ADD3: variants seen among roughly 807,000 people sequenced by gnomAD.
ADD3 encodes the protein adducin 3.
A neutral mutation model predicts 80.2 loss-of-function variants in ADD3; 25 were observed. That is an observed-to-expected ratio of 0.31 (90% CI 0.23 to 0.44). The LOEUF (loss-of-function observed/expected upper bound fraction) is 0.44, where lower values mean the gene tolerates loss of function less well. Among genes scored for constraint, ADD3 ranks in the 20% least tolerant of loss-of-function variants. ADD3 has a pLI of 1.00. For synonymous variants in ADD3, 284 were observed against 289.6 expected (o/e 0.98, Z 0.20); for missense variants, 829 against 847.5 (o/e 0.98, Z 0.27).
intron 1 of ADD3, among the ~76,000 whole-genome samples, chr10:110,011,924 T>A (rs1237187416): frequency 6.6e-6 from 1 of 152,242 alleles, no homozygotes; most frequent in Non-Finnish European, 1.5e-5. Flanking sequence ...CTCAAATTTT[T>A]ACTGTAATTT....
chr10:110,089,028 G>C (rs1847145011), intron 1 of ADD3, among the ~76,000 whole-genome samples: 2 of 152,124 alleles, frequency 1.3e-5, no homozygotes, highest in Admixed American at 1.3e-4. Context: ...GAAATAGGTA[G>C]ATGTAAGATT....
intron 1 of ADD3, among the ~76,000 whole-genome samples, chr10:110,025,273 A>G (rs1589767160): frequency 6.6e-6 from 1 of 151,924 alleles, no homozygotes; most frequent in Admixed American, 6.5e-5. Flanking sequence ...GGTGGTAGCT[A>G]TAATAATCTT....
At chr10:110,050,008 G>A (rs1857328669) in intron 1 of ADD3, among the ~76,000 whole-genome samples, 2 of 152,054 alleles carry the variant, frequency 1.3e-5, no homozygotes, top group African/African-American at 4.8e-5. Context: ...CCCAATGCCT[G>A]GACCCCACTG....
chr10:110,111,265 A>G (rs778162080), intron 2 of ADD3, among the ~76,000 whole-genome samples: 3 of 152,344 alleles, frequency 2.0e-5, no homozygotes, highest in South Asian at 2.1e-4. Flanking sequence ...GCATCCTGCT[A>G]CATAAGTAAC....
chr10:110,042,687 G>GTTTT (rs35414440), intron 1 of ADD3, among the ~76,000 whole-genome samples: 1 of 140,616 alleles, frequency 7.1e-6, no homozygotes, highest in African/African-American at 2.6e-5. Flanking sequence ...GTCTGGTGCT[G>GTTTT]TTTTTTTTTT....
At chr10:110,092,785 GAAAAA>G (rs1000709322) in intron 1 of ADD3, among the ~76,000 whole-genome samples, 1 of 146,998 alleles carries the variant, frequency 6.8e-6, no homozygotes, top group Non-Finnish European at 1.5e-5. Context: ...TTTTTAAACT[GAAAAA>G]AAAAACCCCT....
At chr10:110,120,911 A>G (rs553078352) in intron 8 of ADD3, among the ~76,000 whole-genome samples, 103 of 152,216 alleles carry the variant, frequency 6.8e-4, no homozygotes, top group East Asian at 1.4e-3. Flanking sequence ...AGGATTCCCT[A>G]TTTAATAAAT....
intron 9 of ADD3, among the ~76,000 whole-genome samples, chr10:110,122,636 T>C (rs1048938491): frequency 1.5e-5 from 2 of 135,854 alleles, no homozygotes; most frequent in Non-Finnish European, 3.2e-5. Flanking sequence ...TGAGTTCAAC[T>C]TTTTTTTTTT....
intron 12 of ADD3, among the ~76,000 whole-genome samples, chr10:110,129,360 G>A (rs1333901541): frequency 1.3e-5 from 2 of 151,996 alleles, no homozygotes; most frequent in Non-Finnish European, 2.9e-5. Context: ...TGTTGGTCAG[G>A]CTAGTCTCGA....
intron 2 of ADD3, among the ~76,000 whole-genome samples, chr10:110,111,782 G>A (rs973962795): frequency 2.4e-4 from 36 of 152,082 alleles, no homozygotes; most frequent in South Asian, 1.2e-3. Flanking sequence ...GGGTGGTGGC[G>A]CATGCCTGTA....
At chr10:110,062,163 G>C (rs1161226096) in intron 1 of ADD3, among the ~76,000 whole-genome samples, 3 of 124,010 alleles carry the variant, frequency 2.4e-5, no homozygotes, top group Admixed American at 1.0e-4. Context: ...GGGAGTTCAA[G>C]ACCAGCCTGA....
chr10:110,061,457 G>A (rs1374068374), intron 1 of ADD3, among the ~76,000 whole-genome samples: 1 of 152,170 alleles, frequency 6.6e-6, no homozygotes, highest in African/African-American at 2.4e-5. Context: ...TTTCCTTTGG[G>A]AAAGCAGAAT....
chr10:110,134,554 C>A lies in ADD3; in HGVS notation c.*936C>A, dbSNP rs1484560974. ...TATTTGAATCTTAAACTGTATTTTT[C>A]TCTTAGTATTGCTAATGAGTAAAGA... On this transcript the variant is annotated 3_prime_UTR_variant, in exon 15 of 15. Coordinates refer to ENST00000356080, the MANE Select transcript of ADD3 (RefSeq NM_016824.5). The A allele has an allele frequency of 6.6e-6, 1 of 152,294 alleles. No homozygotes were observed. The highest frequency in any genetic ancestry group is 2.4e-5 in the African/African-American group (1 of 41,366). 9.4% of individuals were successfully genotyped at this position (152,294 alleles called of 1,614,324 possible). A position where few individuals can be genotyped will look rare whatever the true frequency, so the allele number is the denominator to read the frequency against.
At chr10:110,103,070 T>G (rs1257189129) in intron 2 of ADD3, among the ~76,000 whole-genome samples, 1 of 152,188 alleles carries the variant, frequency 6.6e-6, no homozygotes. Flanking sequence ...TATTTTTTTT[T>G]CCTAGATCTT....
In ADD3 at chr10:110,098,876, C is replaced by G. The variant is rs532380061; in HGVS notation, c.-29-1749C>G. ...GAACTCCTGACCTCGTGATCTGCCC[C>G]CTTGGCCTCCCAAAGTGCTGCGATT... On this transcript the variant is annotated intron_variant, in intron 1 of 14. Coordinates refer to ENST00000356080, the MANE Select transcript of ADD3 (RefSeq NM_016824.5). Among the ~76,000 whole-genome samples, 6 of 152,094 alleles carry G rather than the reference C, an allele frequency of 3.9e-5. No homozygotes were observed. In the East Asian group the frequency reaches 9.7e-4, roughly 25 times the overall value.
At chr10:110,035,248 A>G (rs1270609129) in intron 1 of ADD3, among the ~76,000 whole-genome samples, 1 of 152,128 alleles carries the variant, frequency 6.6e-6, no homozygotes, top group African/African-American at 2.4e-5. Flanking sequence ...GAGCTCATCC[A>G]TTTCTCATCA....
intron 2 of ADD3, 118 bp downstream of exon 2, chr10:110,100,966 C>T: frequency 1.2e-6 from 1 of 810,318 alleles, no homozygotes; most frequent in Non-Finnish European, 1.8e-6. Context: ...GAGTGGTGAC[C>T]AGTTGCTTCC....
At chr10:110,006,032 G>T, upstream of ADD3, 1 of 241,340 alleles carries the variant, frequency 4.1e-6, no homozygotes. Context: ...TGCTGCTGCT[G>T]TTGGTCTGAG....
At position 110,125,817 on chromosome 10, in the gene ADD3, A is replaced by G. The variant is rs1590235141; in HGVS notation, c.1402-9A>G. ...AAAGCTTCATTTTAGAAAATTTTTGATTCTTTAGTGGATGAAAGCAGAAGA... is the reference window on the plus strand; with the variant it reads ...AAAGCTTCATTTTAGAAAATTTTTGGTTCTTTAGTGGATGAAAGCAGAAGA... On this transcript the variant is annotated splice_polypyrimidine_tract_variant and intron_variant, in intron 10 of 14. Coordinates refer to ENST00000356080, the MANE Select transcript of ADD3 (RefSeq NM_016824.5). 1.3e-6 allele frequency: 2 copies of G among 1,558,326 alleles called. No homozygotes were observed. Among genetic ancestry groups the G allele is most frequent in the East Asian group, 2.3e-5 (1 of 44,028 alleles).
Sources: allele counts gnomAD v4.1 joint callset (sites outside exome capture counted in the v4.1 genomes callset), GRCh38; gene constraint gnomAD v4.1.1; transcripts MANE v1.5; gene names NCBI Gene and HGNC (gene_info 2026-07-23, HGNC 2026-07-21).